Variants in KLHL22 observed in about 807,000 individuals in gnomAD.
KLHL22 encodes the protein kelch-like protein 22.
KLHL22 carries 18 observed loss-of-function variants against 60.7 expected under a neutral mutation model. The ratio of observed to expected loss-of-function variants is 0.30; its 90% CI spans 0.20 to 0.44. The LOEUF is 0.44. Ranked by LOEUF, KLHL22 falls within the 20% of genes least tolerant of loss-of-function variation. The probability of loss-of-function intolerance (pLI) is 1.00; values close to 1 mark genes in which losing one functional copy is unlikely to be tolerated. For missense variants in KLHL22, 596 were observed against 852.3 expected (o/e 0.70, Z 3.74); for synonymous variants, 355 against 354.5 (o/e 1.00, Z -0.01).
intron 2 of KLHL22, among the ~76,000 whole-genome samples, chr22:20,487,556 C>T (rs891893321): frequency 2.6e-5 from 4 of 151,996 alleles, no homozygotes; most frequent in African/African-American, 9.7e-5. Context: ...ACACACACCC[C>T]CCTGTGAAAT....
intron 4 of KLHL22, among the ~76,000 whole-genome samples, chr22:20,464,613 G>C (rs553355696): frequency 5.3e-5 from 8 of 152,286 alleles, no homozygotes; most frequent in African/African-American, 1.9e-4. Flanking sequence ...AAGAGGCTGA[G>C]CAAGGGTCCA....
At position 20,442,346 on chromosome 22, in the gene KLHL22, G is replaced by A. The variant is rs748578280; in HGVS notation, c.1632C>T (p.Asn544=). Residue 544 remains asparagine, a synonymous_variant, in exon 7 of 7, where the codon AAC becomes AAT. Coordinates refer to ENST00000328879, the MANE Select transcript of KLHL22 (RefSeq NM_032775.4). ...AGCGGCCACCTAACACATAGATCCT[G>A]TTGTCCAGCACAGCAATGCCAGGCT... The part of the protein sequence containing the change: ...HGEPGIAVLD[N]RIYVLGGRSH... 4 of 1,613,968 alleles carry A rather than the reference G, an allele frequency of 2.5e-6. No homozygotes were observed. Among genetic ancestry groups the A allele is most frequent in the Non-Finnish European group, 3.4e-6 (4 of 1,180,010 alleles).
chr22:20,461,291 C>T (rs1423098617), intron 4 of KLHL22, among the ~76,000 whole-genome samples: 7 of 152,164 alleles, frequency 4.6e-5, no homozygotes, highest in East Asian at 1.9e-4. Context: ...CGGTGGCTCA[C>T]GCCTGTAATC....
chr22:20,477,908 T>A (rs1296803758), intron 2 of KLHL22, among the ~76,000 whole-genome samples: 1 of 152,144 alleles, frequency 6.6e-6, no homozygotes, highest in Non-Finnish European at 1.5e-5. Flanking sequence ...TCTTATATCA[T>A]GATAGTATTA....
intron 4 of KLHL22, among the ~76,000 whole-genome samples, chr22:20,460,796 C>T (rs535104512): frequency 1.1e-3 from 172 of 152,044 alleles, no homozygotes; most frequent in Non-Finnish European, 1.9e-3. Context: ...TAATATTTTT[C>T]TAATAAAAAT....
intron 5 of KLHL22, among the ~76,000 whole-genome samples, chr22:20,447,073 C>T (rs1446315441): frequency 6.6e-6 from 1 of 152,232 alleles, no homozygotes; most frequent in Admixed American, 6.5e-5. Flanking sequence ...TCCCACTGGA[C>T]ATGCAATCCT....
intron 3 of KLHL22, among the ~76,000 whole-genome samples, chr22:20,469,438 G>A (rs903194751): frequency 6.6e-6 from 1 of 152,050 alleles, no homozygotes; most frequent in African/African-American, 2.4e-5. Flanking sequence ...CCTGAGCCAT[G>A]CTGGGGGAGA....
intron 5 of KLHL22, among the ~76,000 whole-genome samples, chr22:20,455,503 G>A (rs1274309527): frequency 6.6e-6 from 1 of 152,196 alleles, no homozygotes; most frequent in Non-Finnish European, 1.5e-5. Context: ...GAGCAGGGAA[G>A]TGGACTCCAG....
At chr22:20,450,785 A>T (rs537735713) in intron 5 of KLHL22, 1 of 1,372,702 alleles carries the variant, frequency 7.3e-7, no homozygotes, top group Non-Finnish European at 1.0e-6. Flanking sequence ...CAGTATATGC[A>T]GATGCCCCTG....
rs934109681 is a variant in KLHL22, at chr22:20,444,948, A to AT, written c.1539+1494dup. Among the ~76,000 whole-genome samples, 11 of 150,984 alleles carry AT rather than the reference A, an allele frequency of 7.3e-5. No homozygotes were observed. In the South Asian group the frequency reaches 8.4e-4, roughly 12 times the overall value. On this transcript the variant is annotated intron_variant, in intron 6 of 6. Transcript: ENST00000328879. ...AGGTGCAAGCCACCATGCCTGGCTAATTTTTTTTTGTATTTTTAGTAGAGA... is the reference window on the plus strand; with the variant it reads ...AGGTGCAAGCCACCATGCCTGGCTAATTTTTTTTTTGTATTTTTAGTAGAGA...
chr22:20,446,776 C>A, intron 5 of KLHL22, 100 bp from the exon 6 acceptor site: 1 of 835,724 alleles, frequency 1.2e-6, no homozygotes, highest in South Asian at 1.5e-5. Flanking sequence ...TGCCTGACAA[C>A]GCTGTGAGGC....
Position 20,441,900 on chromosome 22 carries a change from G to A in KLHL22, c.*173C>T, listed in dbSNP as rs2146149067. The stretch of plus-strand genomic sequence containing the variant: ...CCTGGGATCTGCATGGCCCTGAGAT[G>A]CCTGCGGCAGGCTGGCCAAGGGGCT... On this transcript the variant is annotated 3_prime_UTR_variant, in exon 7 of 7. Coordinates refer to ENST00000328879, the MANE Select transcript of KLHL22 (RefSeq NM_032775.4). 1.1e-5 allele frequency: 6 copies of A among 559,106 alleles called. No individual in the cohort carries two copies. In the Admixed American group the frequency reaches 1.8e-4, roughly 17 times the overall value. The allele number at this position is 559,106 out of a possible 1,614,324, so 34.6% of individuals were successfully genotyped here.
At chr22:20,488,796 T>G in intron 2 of KLHL22, 189 bp downstream of exon 2, 1 of 593,506 alleles carries the variant, frequency 1.7e-6, no homozygotes, top group East Asian at 2.8e-5. Context: ...AGAAACAGGA[T>G]CACTGAATGA....
Position 20,460,346 on chromosome 22 carries a change from C to T in KLHL22, c.1113-2346G>A, listed in dbSNP as rs368692189. On this transcript the variant is annotated intron_variant, in intron 4 of 6. Transcript: ENST00000328879. The stretch of plus-strand genomic sequence containing the variant: ...ACACAGGGCCGGGCGTGGTGGCTCA[C>T]GCCTGTAATCCCAGAACTTTGGGAG... Among the ~76,000 whole-genome samples the T allele has an allele frequency of 5.6e-4, 85 of 152,220 alleles. 2 individuals are homozygous for T. In the South Asian group the frequency reaches 0.017, roughly 30 times the overall value.
At chr22:20,490,376 G>A (rs12484813) in intron 1 of KLHL22, among the ~76,000 whole-genome samples, 4,087 of 152,192 alleles carry the variant, frequency 0.027, 57 homozygotes, top group South Asian at 0.061. Flanking sequence ...TAGGCCATAA[G>A]GTACAGCCAA....
intron 1 of KLHL22, among the ~76,000 whole-genome samples, chr22:20,494,913 C>T (rs552862800): frequency 6.6e-6 from 1 of 152,198 alleles, no homozygotes; most frequent in African/African-American, 2.4e-5. Flanking sequence ...GGCCCCCGAA[C>T]GAGCAGTATC....
At position 20,454,629 on chromosome 22, in the gene KLHL22, A is replaced by G. The variant is rs149609574; in HGVS notation, c.1305+3179T>C. The stretch of plus-strand genomic sequence containing the variant: ...CAGCTTCAATTTTCATTTTCCCTTA[A>G]TAGTACAAAAAACCTTCCTGAAATT... On this transcript the variant is annotated intron_variant, in intron 5 of 6. Coordinates refer to ENST00000328879, the MANE Select transcript of KLHL22 (RefSeq NM_032775.4). Among the ~76,000 whole-genome samples the G allele has an allele frequency of 5.9e-5, 9 of 152,276 alleles. No individual in the cohort carries two copies. In the East Asian group the frequency reaches 1.7e-3, roughly 29 times the overall value.
At chr22:20,467,804 G>A (rs1205507353) in intron 3 of KLHL22, among the ~76,000 whole-genome samples, 2 of 152,176 alleles carry the variant, frequency 1.3e-5, no homozygotes, top group East Asian at 1.9e-4. Context: ...GACAACAGAC[G>A]CCCGCCACCA....
intron 2 of KLHL22, among the ~76,000 whole-genome samples, chr22:20,481,504 C>T (rs1307707057): frequency 6.6e-6 from 1 of 152,026 alleles, no homozygotes; most frequent in Non-Finnish European, 1.5e-5. Context: ...ACCTGGTAGG[C>T]GGAGGTTGCA....
Sources: allele counts gnomAD v4.1 joint callset (sites outside exome capture counted in the v4.1 genomes callset), GRCh38; gene constraint gnomAD v4.1.1; transcripts MANE v1.5; gene names NCBI Gene and HGNC (gene_info 2026-07-23, HGNC 2026-07-21).